The following PTPN3 variants were observed in gnomAD, a reference collection of about 807,000 sequenced individuals.
PTPN3 encodes the protein tyrosine-protein phosphatase non-receptor type 3.
A neutral mutation model predicts 132.7 loss-of-function variants in PTPN3; 96 were observed. That is an observed-to-expected ratio of 0.72 (90% CI 0.61 to 0.86). PTPN3 has a LOEUF of 0.86. Among genes scored for constraint, PTPN3 ranks in the 40% least tolerant of loss-of-function variants. The probability of loss-of-function intolerance (pLI) is 0.00; values close to 1 mark genes in which losing one functional copy is unlikely to be tolerated. For synonymous variants in PTPN3, 398 were observed against 429.0 expected (o/e 0.93, Z 0.89); for missense variants, 1,125 against 1,159.6 (o/e 0.97, Z 0.43).
At chr9:109,494,735 C>T (rs962591110) in intron 1 of PTPN3, among the ~76,000 whole-genome samples, 13 of 152,072 alleles carry the variant, frequency 8.5e-5, no homozygotes, top group African/African-American at 1.7e-4. Context: ...TGGATGGGGA[C>T]GCACATACAC....
At chr9:109,416,542 C>T (rs1842514748) in intron 14 of PTPN3, among the ~76,000 whole-genome samples, 1 of 151,180 alleles carries the variant, frequency 6.6e-6, no homozygotes, top group South Asian at 2.1e-4. Flanking sequence ...ACCTCCTGGG[C>T]TCAAGTGATT....
intron 1 of PTPN3, among the ~76,000 whole-genome samples, chr9:109,482,772 A>G (rs1847019944): frequency 6.6e-6 from 1 of 152,140 alleles, no homozygotes; most frequent in Admixed American, 6.6e-5. Flanking sequence ...CCCAGAAACC[A>G]GCTCCAGTGC....
intron 10 of PTPN3, among the ~76,000 whole-genome samples, chr9:109,429,641 A>G (rs1335955865): frequency 6.6e-6 from 1 of 152,242 alleles, no homozygotes; most frequent in Admixed American, 6.5e-5. Flanking sequence ...TGCGAAACCC[A>G]CATATACAAA....
chr9:109,408,973 T>C (rs1841849473), intron 16 of PTPN3, among the ~76,000 whole-genome samples: 1 of 151,616 alleles, frequency 6.6e-6, no homozygotes, highest in Admixed American at 6.6e-5. Context: ...ACACAGCTGC[T>C]GGGGCAGATG....
intron 1 of PTPN3, among the ~76,000 whole-genome samples, chr9:109,495,746 G>T (rs1383828637): frequency 2.6e-5 from 4 of 152,210 alleles, no homozygotes; most frequent in African/African-American, 9.6e-5. Flanking sequence ...TCTGAGACTT[G>T]AATGAGAATG....
chr9:109,463,697 C>G (rs943956374), intron 1 of PTPN3, among the ~76,000 whole-genome samples: 3 of 152,174 alleles, frequency 2.0e-5, no homozygotes, highest in Non-Finnish European at 2.9e-5. Flanking sequence ...ACTCCCTGGT[C>G]TGAGTCTTCT....
intron 10 of PTPN3, among the ~76,000 whole-genome samples, chr9:109,431,699 T>C (rs1843674773): frequency 6.6e-6 from 1 of 152,262 alleles, no homozygotes; most frequent in Non-Finnish European, 1.5e-5. Context: ...ACAGCGTCTA[T>C]TAAGTATGTA....
intron 1 of PTPN3, among the ~76,000 whole-genome samples, chr9:109,488,780 T>C (rs184222116): frequency 6.6e-6 from 1 of 152,174 alleles, no homozygotes; most frequent in African/African-American, 2.4e-5. Context: ...AAATCTAGAC[T>C]TCCTGATAAA....
At chr9:109,480,479 T>C (rs931456766) in intron 1 of PTPN3, among the ~76,000 whole-genome samples, 2 of 152,184 alleles carry the variant, frequency 1.3e-5, no homozygotes, top group African/African-American at 4.8e-5. Flanking sequence ...TCTCATTCCA[T>C]AGGTTGCCTT....
intron 1 of PTPN3, among the ~76,000 whole-genome samples, chr9:109,497,251 T>A (rs1252703890): frequency 6.6e-6 from 1 of 152,184 alleles, no homozygotes; most frequent in Non-Finnish European, 1.5e-5. Context: ...CGAGGGTCTC[T>A]AAACGAATTA....
At chr9:109,388,430 G>A (rs1839783528) in intron 22 of PTPN3, among the ~76,000 whole-genome samples, 1 of 152,214 alleles carries the variant, frequency 6.6e-6, no homozygotes, top group African/African-American at 2.4e-5. Context: ...TGACAAAGCA[G>A]CTGGAATAGC....
the PTPN3 span, among the ~76,000 whole-genome samples, chr9:109,508,484 C>T: frequency 1.3e-5 from 2 of 152,128 alleles, no homozygotes; most frequent in Non-Finnish European, 2.9e-5. Flanking sequence ...TTATGCTTCT[C>T]ATCACATTTT....
Position 109,467,018 on chromosome 9 carries a change from T to TA in PTPN3, c.-17-3568dup, listed in dbSNP as rs201422480. On this transcript the variant is annotated intron_variant, in intron 1 of 25. Coordinates refer to ENST00000374541, the MANE Select transcript of PTPN3 (RefSeq NM_002829.4). ...AAGGATAGAGAGTCTGAAATACTAATAAAAAAAAAACTTCCTGGGACCAGC... is the reference window on the plus strand; with the variant it reads ...AAGGATAGAGAGTCTGAAATACTAATAAAAAAAAAAACTTCCTGGGACCAGC... 8.4e-3 allele frequency among the ~76,000 whole-genome samples: 1,249 copies of TA among 147,998 alleles called. 18 individuals are homozygous for TA. Among genetic ancestry groups the TA allele is most frequent in the African/African-American group, 0.029 (1,175 of 40,402 alleles).
intron 1 of PTPN3, among the ~76,000 whole-genome samples, chr9:109,466,527 C>A (rs1389791644): frequency 6.6e-6 from 1 of 152,196 alleles, no homozygotes; most frequent in East Asian, 1.9e-4. Context: ...GGAGGGGAGA[C>A]AGATGTCCCA....
In PTPN3 at chr9:109,376,116, A is replaced by T. The variant is rs1399852052; in HGVS notation, c.*3440T>A. 1 of 152,220 alleles carries T rather than the reference A, an allele frequency of 6.6e-6. No individual in the cohort carries two copies. Among genetic ancestry groups the T allele is most frequent in the Non-Finnish European group, 1.5e-5 (1 of 68,044 alleles). 9.4% of individuals were successfully genotyped at this position (152,220 alleles called of 1,614,324 possible). A position where few individuals can be genotyped will look rare whatever the true frequency, so the allele number is the denominator to read the frequency against. On this transcript the variant is annotated 3_prime_UTR_variant, in exon 26 of 26. Transcript: ENST00000374541. ...AGCAGCCATAAAGCTTTGGTTTAGG[A>T]TTAATTTTGATTCTCTGGAATATCA... is the stretch of plus-strand genomic sequence containing the variant.
chr9:109,474,559 A>G (rs1212155806), intron 1 of PTPN3, among the ~76,000 whole-genome samples: 1 of 152,110 alleles, frequency 6.6e-6, no homozygotes, highest in Non-Finnish European at 1.5e-5. Context: ...TTGCAGGATA[A>G]GGGGTATTGG....
At chr9:109,386,859 C>T (rs925975993) in intron 22 of PTPN3, among the ~76,000 whole-genome samples, 11 of 152,194 alleles carry the variant, frequency 7.2e-5, no homozygotes, top group South Asian at 2.1e-4. Flanking sequence ...ATGGACAAGA[C>T]GGGGGCTGGG....
the PTPN3 span, among the ~76,000 whole-genome samples, chr9:109,508,183 T>C: frequency 0.86 from 128,274 of 149,040 alleles, 55,285 homozygotes; most frequent in South Asian, 0.94. Context: ...TTTTTTGAGA[T>C]GGCGTTTCGC....
intron 1 of PTPN3, among the ~76,000 whole-genome samples, chr9:109,466,879 A>C (rs573308488): frequency 3.1e-4 from 47 of 152,272 alleles, no homozygotes; most frequent in African/African-American, 9.6e-4. Context: ...TAGGTGTAGA[A>C]AGAGAAACCG....
Sources: allele counts gnomAD v4.1 joint callset (sites outside exome capture counted in the v4.1 genomes callset), GRCh38; gene constraint gnomAD v4.1.1; transcripts MANE v1.5; gene names NCBI Gene and HGNC (gene_info 2026-07-23, HGNC 2026-07-21).